TF: variants seen among roughly 807,000 people sequenced by gnomAD.
The protein encoded by TF is transferrin.
In TF, 55 loss-of-function variants were observed where a neutral mutation model predicts 82.4. The observed-to-expected ratio is 0.67, with a 90% CI of 0.54 to 0.84. TF has a LOEUF of 0.84. TF is among the 40% of genes least tolerant of loss of function. The probability of loss-of-function intolerance (pLI) is 0.00; values close to 1 mark genes in which losing one functional copy is unlikely to be tolerated. For synonymous variants in TF, 332 were observed against 332.6 expected (o/e 1.00, Z 0.02); for missense variants, 737 against 868.4 (o/e 0.85, Z 1.90).
At chr3:133,713,596 G>C in the TF span, among the ~76,000 whole-genome samples, 21 of 152,306 alleles carry the variant, frequency 1.4e-4, no homozygotes, top group Middle Eastern at 3.4e-3. Context: ...CCACCCCTGG[G>C]TGTGATTTTT....
At chr3:133,700,058 T>G in the TF span, 1 of 160,562 alleles carries the variant, frequency 6.2e-6, no homozygotes, top group Non-Finnish European at 1.4e-5. Context: ...TTGTCTTGAG[T>G]CATTCACAGA....
At chr3:133,769,982 A>G (rs1246751359) in intron 13 of TF, among the ~76,000 whole-genome samples, 1 of 152,192 alleles carries the variant, frequency 6.6e-6, no homozygotes, top group African/African-American at 2.4e-5. Flanking sequence ...AGGTGCCTTT[A>G]TGCCATGTTT....
the TF span, among the ~76,000 whole-genome samples, chr3:133,680,312 C>G: frequency 6.6e-6 from 1 of 151,554 alleles, no homozygotes; most frequent in Non-Finnish European, 1.5e-5. Flanking sequence ...CTCAAGAGAT[C>G]CTCCCACCTC....
chr3:133,754,021 C>T, intron 3 of TF: 1 of 487,974 alleles, frequency 2.0e-6, no homozygotes, highest in South Asian at 2.1e-5. Context: ...CCCTGGAGGC[C>T]TCTGGAGCCA....
Position 133,746,509 on chromosome 3 carries a change from G to T in TF, c.43+26G>T, listed in dbSNP as rs8177187. ...GTGAGTGCGGGCACGGGGTAGCACC[G>T]CAGAGTCGCTGGCCCGCGCGTTCCC... On this transcript the variant is annotated intron_variant, in intron 1 of 16. Transcript: ENST00000402696. 18,287 of 1,586,810 alleles carry T rather than the reference G, an allele frequency of 0.012. 216 individuals carry two copies. The highest frequency in any genetic ancestry group is 0.035 in the East Asian group (1,532 of 43,742).
At chr3:133,761,643 C>T (rs746581782) in intron 9 of TF, 4 of 152,256 alleles carry the variant, frequency 2.6e-5, no homozygotes, top group Non-Finnish European at 5.9e-5. Flanking sequence ...GTCTTCAACA[C>T]AATCTGTTTA....
chr3:133,748,457 T>A lies in TF; in HGVS notation c.89T>A (p.Val30Glu). The change falls in exon 2 of 17, where the codon GTG (valine) becomes GAG (glutamate). Residue 30 changes from valine (V) to glutamate (E), a missense_variant. Physicochemically the swap from Val to Glu is moderately radical, Grantham distance 121. Transcript: ENST00000402696. Reference sequence around the variant, plus strand: ...GATAAAACTGTGAGATGGTGTGCAGTGTCGGAGCATGAGGCCACTAAGTGC... The same window carrying A: ...GATAAAACTGTGAGATGGTGTGCAGAGTCGGAGCATGAGGCCACTAAGTGC... The part of the protein sequence containing the change: ...VPDKTVRWCA[V>E]SEHEATKCQS... The A allele has an allele frequency of 6.2e-7, 1 of 1,614,150 alleles. No individual in the cohort carries two copies.
rs56267966 is a variant in TF, at chr3:133,789,879, G to GTTTT, written c.*11285_*11288dup. On this transcript the variant is annotated 3_prime_UTR_variant, in exon 17 of 17. Coordinates refer to ENST00000402696, the MANE Select transcript of TF (RefSeq NM_001063.4). Reference sequence around the variant, plus strand: ...GCCAAAACAAAACGATCTCGTTTGCGTTTTTTTTTTTTTTTTTTTTTTTTT... The same window carrying GTTTT: ...GCCAAAACAAAACGATCTCGTTTGCGTTTTTTTTTTTTTTTTTTTTTTTTTTTTT... 470 of 88,904 alleles carry GTTTT rather than the reference G, an allele frequency of 5.3e-3. 49 individuals carry two copies. Among genetic ancestry groups the GTTTT allele is most frequent in the African/African-American group, 7.8e-3 (142 of 18,246 alleles). 5.5% of individuals were successfully genotyped at this position (88,904 alleles called of 1,614,324 possible).
At chr3:133,734,696 G>T in the TF span, among the ~76,000 whole-genome samples, 3 of 152,036 alleles carry the variant, frequency 2.0e-5, no homozygotes, top group Non-Finnish European at 4.4e-5. Context: ...AATTCATTCT[G>T]TGAATCATTA....
chr3:133,740,412 C>A, the TF span, among the ~76,000 whole-genome samples: 1 of 152,064 alleles, frequency 6.6e-6, no homozygotes. Context: ...CAACCTCTGC[C>A]TCCTGGGTTT....
chr3:133,768,721 C>A (rs183818262), intron 13 of TF, among the ~76,000 whole-genome samples: 1 of 151,290 alleles, frequency 6.6e-6, no homozygotes, highest in South Asian at 2.1e-4. Flanking sequence ...AAATTCCTAA[C>A]TACAATTGTA....
At chr3:133,736,218 A>G in the TF span, among the ~76,000 whole-genome samples, 1 of 152,222 alleles carries the variant, frequency 6.6e-6, no homozygotes, top group Non-Finnish European at 1.5e-5. Flanking sequence ...TTCCTAAGTG[A>G]AGGAGAAATA....
chr3:133,778,681 G>A lies in TF; in HGVS notation c.*61G>A. 6.3e-7 allele frequency: 1 copy of A among 1,596,474 alleles called. No homozygotes were observed. The highest frequency in any genetic ancestry group is 2.3e-5 in the East Asian group (1 of 44,422). ...GGGAACGCAGATGATCCATGAGTTT[G>A]CCCTGGTTTCACTGGCCCAAGTGGT... On this transcript the variant is annotated 3_prime_UTR_variant, in exon 17 of 17. Transcript: ENST00000402696.
the TF span, among the ~76,000 whole-genome samples, chr3:133,740,708 G>C: frequency 1.3e-5 from 2 of 152,196 alleles, no homozygotes; most frequent in East Asian, 3.9e-4. Flanking sequence ...TTGATTGGGA[G>C]TACATTGAAT....
chr3:133,667,917 C>G, the TF span, among the ~76,000 whole-genome samples: 13 of 152,248 alleles, frequency 8.5e-5, no homozygotes, highest in Non-Finnish European at 1.2e-4. Flanking sequence ...TATAAAAGCA[C>G]TAGCTGCCAT....
chr3:133,746,237 C>G (rs1933493502), upstream of TF: 2 of 646,240 alleles, frequency 3.1e-6, no homozygotes, highest in Non-Finnish European at 2.8e-6. Context: ...GTCTCCAGAG[C>G]TCAGAAAATG....
Position 133,779,655 on chromosome 3 carries a change from AG to A in TF, c.*1037del, listed in dbSNP as rs1227478463. 5 of 152,430 alleles carry A rather than the reference AG, an allele frequency of 3.3e-5. No homozygotes were observed. Among genetic ancestry groups the A allele is most frequent in the Non-Finnish European group, 7.3e-5 (5 of 68,254 alleles). The allele number at this position is 152,430 out of a possible 1,614,324, so 9.4% of individuals were successfully genotyped here. A position where few individuals can be genotyped will look rare whatever the true frequency, so the allele number is the denominator to read the frequency against. On this transcript the variant is annotated 3_prime_UTR_variant, in exon 17 of 17. Coordinates refer to ENST00000402696, the MANE Select transcript of TF (RefSeq NM_001063.4). Reference sequence around the variant, plus strand: ...CTGGTCAGTGCTCCTCTCACTTTGCAGGCCCTCCTTCAGTGATGCTCATGAC... The same window carrying A: ...CTGGTCAGTGCTCCTCTCACTTTGCAGCCCTCCTTCAGTGATGCTCATGAC...
At chr3:133,771,583 A>C (rs927464155) in intron 14 of TF, among the ~76,000 whole-genome samples, 1 of 150,998 alleles carries the variant, frequency 6.6e-6, no homozygotes, top group African/African-American at 2.4e-5. Context: ...TAAAAATACA[A>C]AAAATTAGCC....
At chr3:133,702,703 A>T in the TF span, among the ~76,000 whole-genome samples, 1 of 152,106 alleles carries the variant, frequency 6.6e-6, no homozygotes. Flanking sequence ...CTTTATGAGC[A>T]GAACTATTTT....
Sources: gnomAD v4.1 joint callset for allele counts (sites outside exome capture counted in the v4.1 genomes callset) on GRCh38, gnomAD v4.1.1 for gene constraint, MANE v1.5 for transcripts, NCBI Gene and HGNC (gene_info 2026-07-23, HGNC 2026-07-21) for gene names.